Variants in DAPK1 observed in about 807,000 individuals in gnomAD.
DAPK1 encodes the protein death-associated protein kinase 1.
DAPK1 carries 56 observed loss-of-function variants against 144.9 expected under a neutral mutation model. That is an observed-to-expected ratio of 0.39 (90% CI 0.31 to 0.48). DAPK1 has a LOEUF of 0.48. DAPK1 is among the 20% of genes least tolerant of loss of function. The pLI is 0.95. For missense variants in DAPK1, 1,454 were observed against 1,875.4 expected, an observed-to-expected ratio of 0.78 and a Z score of 4.15; for synonymous variants, 690 against 749.0, an observed-to-expected ratio of 0.92 and a Z score of 1.29.
At chr9:87,517,313 T>C (rs561426163) in intron 2 of DAPK1, among the ~76,000 whole-genome samples, 3 of 151,758 alleles carry the variant, frequency 2.0e-5, no homozygotes, top group African/African-American at 7.3e-5. Flanking sequence ...CTCGGTGGAC[T>C]GGGTTTATAA....
chr9:87,500,950 G>T (rs1394337177), intron 2 of DAPK1, among the ~76,000 whole-genome samples: 4 of 152,088 alleles, frequency 2.6e-5, no homozygotes, highest in Admixed American at 1.3e-4. Flanking sequence ...AACTGCTATT[G>T]TTTTTGCCAA....
intron 3 of DAPK1, among the ~76,000 whole-genome samples, chr9:87,635,232 C>T (rs1165240451): frequency 6.6e-6 from 1 of 152,024 alleles, no homozygotes; most frequent in Admixed American, 6.6e-5. Context: ...ATGGGGTTGC[C>T]AGAAGGCTGG....
chr9:87,597,768 C>T (rs1019123191), intron 2 of DAPK1, among the ~76,000 whole-genome samples: 1 of 152,096 alleles, frequency 6.6e-6, no homozygotes, highest in Non-Finnish European at 1.5e-5. Context: ...GCCTCCCTGC[C>T]GCTCCTCTCT....
chr9:87,543,582 A>C (rs1826131420), intron 2 of DAPK1, among the ~76,000 whole-genome samples: 1 of 152,192 alleles, frequency 6.6e-6, no homozygotes, highest in Non-Finnish European at 1.5e-5. Flanking sequence ...ATTTGTCCTT[A>C]TCTGAGGTTT....
At position 87,622,991 on chromosome 9, in the gene DAPK1, G is replaced by A. The variant is rs569508300; in HGVS notation, c.285-14952G>A. On this transcript the variant is annotated intron_variant, in intron 3 of 25. Coordinates refer to ENST00000408954, the MANE Select transcript of DAPK1 (RefSeq NM_004938.4). ...TGCAGCCTCCTGTTTGAAAATCCGC[G>A]CCTCAGCAAACTGCCACTCAATCAT... is the stretch of plus-strand genomic sequence containing the variant. Among the ~76,000 whole-genome samples, 187 of 152,280 alleles carry A rather than the reference G, an allele frequency of 1.2e-3. 2 individuals are homozygous for A. The Middle Eastern group carries it at 0.031, about 25-fold the overall frequency.
At chr9:87,559,973 C>G (rs1048444555) in intron 2 of DAPK1, among the ~76,000 whole-genome samples, 1 of 151,528 alleles carries the variant, frequency 6.6e-6, no homozygotes, top group East Asian at 1.9e-4. Flanking sequence ...CTCTTCCCTC[C>G]TCTGCCCTTG....
intron 3 of DAPK1, among the ~76,000 whole-genome samples, chr9:87,631,722 G>T (rs1022372328): frequency 1.3e-5 from 2 of 152,184 alleles, no homozygotes; most frequent in Non-Finnish European, 2.9e-5. Flanking sequence ...ACCAGATTCT[G>T]CTGTTCAGCA....
In DAPK1 at chr9:87,611,868, C is replaced by T. The variant is rs528551946; in HGVS notation, c.284+6693C>T. ...TGGGTTCATCTTTTGAGAGGCTGTG[C>T]TCCCCAAAAAGGATATGTTGAAGTG... On this transcript the variant is annotated intron_variant, in intron 3 of 25. Transcript: ENST00000408954. Among the ~76,000 whole-genome samples the T allele has an allele frequency of 2.0e-5, 3 of 152,276 alleles. No homozygotes were observed. In the East Asian group the frequency reaches 5.8e-4, roughly 29 times the overall value.
intron 2 of DAPK1, among the ~76,000 whole-genome samples, chr9:87,557,738 C>T (rs959784054): frequency 4.6e-5 from 7 of 152,144 alleles, no homozygotes; most frequent in African/African-American, 7.2e-5. Context: ...GTCAGGAGTT[C>T]GAGAACAGCC....
intron 2 of DAPK1, among the ~76,000 whole-genome samples, chr9:87,556,221 G>A (rs1205951738): frequency 6.6e-6 from 1 of 152,188 alleles, no homozygotes; most frequent in African/African-American, 2.4e-5. Context: ...ATTGTTCTAA[G>A]TGCTTTTTCC....
chr9:87,630,242 C>G (rs911590745), intron 3 of DAPK1, among the ~76,000 whole-genome samples: 6 of 152,224 alleles, frequency 3.9e-5, no homozygotes, highest in African/African-American at 1.4e-4. Context: ...CAACAGTTAG[C>G]ATGCTCTGTG....
At position 87,538,480 on chromosome 9, in the gene DAPK1, C is replaced by T. The variant is rs140917230; in HGVS notation, c.62+39341C>T. 5.8e-3 allele frequency among the ~76,000 whole-genome samples: 884 copies of T among 152,290 alleles called. 8 individuals carry two copies. Among genetic ancestry groups the T allele is most frequent in the African/African-American group, 0.02 (819 of 41,566 alleles). On this transcript the variant is annotated intron_variant, in intron 2 of 25. Coordinates refer to ENST00000408954, the MANE Select transcript of DAPK1 (RefSeq NM_004938.4). ...TACATAAAAGCTATATCCTTCCATT[C>T]GCCTTAAGATTCTATTATTTTCTCA...
intron 2 of DAPK1, among the ~76,000 whole-genome samples, chr9:87,594,558 G>A (rs1391815203): frequency 6.6e-6 from 1 of 152,162 alleles, no homozygotes; most frequent in Non-Finnish European, 1.5e-5. Flanking sequence ...GCATCTCTAG[G>A]CTCAGGACTC....
chr9:87,577,972 T>G (rs1168117866), intron 2 of DAPK1, among the ~76,000 whole-genome samples: 4 of 152,106 alleles, frequency 2.6e-5, no homozygotes, highest in Non-Finnish European at 1.5e-5. Flanking sequence ...TCAGAGGCGA[T>G]GACAGGGATG....
intron 2 of DAPK1, among the ~76,000 whole-genome samples, chr9:87,595,305 C>T (rs557127340): frequency 6.6e-6 from 1 of 152,272 alleles, no homozygotes; most frequent in African/African-American, 2.4e-5. Flanking sequence ...CTCTGTTTAC[C>T]TACTTTTGCT....
At chr9:87,553,847 G>A (rs552334749) in intron 2 of DAPK1, 6 of 152,298 alleles carry the variant, frequency 3.9e-5, no homozygotes, top group South Asian at 4.1e-4. Flanking sequence ...GAGAGGAAGC[G>A]GAAGAAAAAG....
chr9:87,631,629 A>G (rs774600468), intron 3 of DAPK1, among the ~76,000 whole-genome samples: 3 of 152,250 alleles, frequency 2.0e-5, no homozygotes, highest in Non-Finnish European at 4.4e-5. Context: ...CTCTCCTTCC[A>G]TCAGCCTCCC....
At chr9:87,610,106 T>C (rs1828872610) in intron 3 of DAPK1, among the ~76,000 whole-genome samples, 1 of 152,204 alleles carries the variant, frequency 6.6e-6, no homozygotes, top group Admixed American at 6.5e-5. Flanking sequence ...CAGTCCAGGA[T>C]CTGCCCTTTA....
At chr9:87,556,636 G>A (rs751556895) in intron 2 of DAPK1, among the ~76,000 whole-genome samples, 3 of 152,188 alleles carry the variant, frequency 2.0e-5, no homozygotes, top group Non-Finnish European at 4.4e-5. Context: ...CCCTTTCACA[G>A]AGCAGGGTTT....
Sources: gnomAD v4.1 joint callset for allele counts (sites outside exome capture counted in the v4.1 genomes callset) on GRCh38, gnomAD v4.1.1 for gene constraint, MANE v1.5 for transcripts, NCBI Gene and HGNC (gene_info 2026-07-23, HGNC 2026-07-21) for gene names.